Variants in MINDY2 observed in about 807,000 individuals in gnomAD.
The protein encoded by MINDY2 is ubiquitin carboxyl-terminal hydrolase MINDY-2.
In MINDY2, 52 loss-of-function variants were observed where a neutral mutation model predicts 68.2. That is an observed-to-expected ratio of 0.76 (90% CI 0.61 to 0.96). The LOEUF (loss-of-function observed/expected upper bound fraction) is 0.96, where lower values mean the gene tolerates loss of function less well. MINDY2 is among the 40% of genes least tolerant of loss of function. The pLI is 0.00. For missense variants in MINDY2, 881 were observed against 773.4 expected, an observed-to-expected ratio of 1.14 and a Z score of -1.65; for synonymous variants, 372 against 303.0, an observed-to-expected ratio of 1.23 and a Z score of -2.36.
intron 2 of MINDY2, among the ~76,000 whole-genome samples, chr15:58,792,450 A>C (rs187009744): frequency 2.0e-5 from 3 of 152,202 alleles, no homozygotes; most frequent in African/African-American, 7.2e-5. Flanking sequence ...TACTAAGAAC[A>C]TAAAAATTAG....
intron 6 of MINDY2, among the ~76,000 whole-genome samples, chr15:58,832,781 C>T (rs1011739883): frequency 6.6e-6 from 1 of 152,198 alleles, no homozygotes; most frequent in Admixed American, 6.5e-5. Context: ...CCGCCTCAGC[C>T]TCCCAAAGTG....
intron 7 of MINDY2, among the ~76,000 whole-genome samples, chr15:58,849,979 T>G (rs1206431067): frequency 1.3e-5 from 2 of 152,132 alleles, no homozygotes; most frequent in Non-Finnish European, 2.9e-5. Flanking sequence ...TCAAGTGATG[T>G]GCCCGCCTTG....
rs762666328 is a variant in MINDY2, at chr15:58,771,922, T to C, written c.527T>C (p.Leu176Pro). Residue 176 changes from leucine (L) to proline (P), a missense_variant, in exon 1 of 9, where the codon CTG becomes CCG. Leu to Pro is a moderately conservative substitution (Grantham distance 98). Transcript: ENST00000559228. ...PPGESPSLDS[L>P]ESFSNLHSFP... ...GGGGAATCTCCGAGCCTGGACTCTC[T>C]GGAGTCGTTCTCTAACCTGCATTCT... 39 of 1,555,774 alleles carry C rather than the reference T, an allele frequency of 2.5e-5. No individual in the cohort carries two copies. The Admixed American group carries it at 7.5e-4, about 30-fold the overall frequency.
At chr15:58,811,879 C>G (rs2030301356) in intron 4 of MINDY2, among the ~76,000 whole-genome samples, 1 of 152,196 alleles carries the variant, frequency 6.6e-6, no homozygotes, top group Non-Finnish European at 1.5e-5. Flanking sequence ...AGAGTCTTCT[C>G]TTTTCCACTG....
At chr15:58,840,882 A>T (rs1190199620) in intron 6 of MINDY2, among the ~76,000 whole-genome samples, 6 of 140,034 alleles carry the variant, frequency 4.3e-5, no homozygotes, top group African/African-American at 1.6e-4. Flanking sequence ...GTTAGCCAGG[A>T]TGGTCTCGAT....
At chr15:58,844,820 C>T (rs1289863058) in intron 6 of MINDY2, among the ~76,000 whole-genome samples, 1 of 146,508 alleles carries the variant, frequency 6.8e-6, no homozygotes, top group East Asian at 2.1e-4. Flanking sequence ...GGGGCTGAGG[C>T]AGGACAGTCG....
chr15:58,840,301 T>G (rs1291927129), intron 6 of MINDY2, among the ~76,000 whole-genome samples: 4 of 152,222 alleles, frequency 2.6e-5, no homozygotes, highest in African/African-American at 9.6e-5. Context: ...ACCACAGATA[T>G]TAATTGACTT....
At chr15:58,811,490 A>T (rs551655744) in intron 4 of MINDY2, among the ~76,000 whole-genome samples, 2 of 152,324 alleles carry the variant, frequency 1.3e-5, no homozygotes, top group East Asian at 1.9e-4. Context: ...AGCATCTTAG[A>T]CCTAGCAACA....
rs139271721 is a variant in MINDY2, at chr15:58,821,267, A to G, written c.1123-450A>G. Among the ~76,000 whole-genome samples, 155 of 151,790 alleles carry G rather than the reference A, an allele frequency of 1.0e-3. 1 individual carries two copies. Among genetic ancestry groups the G allele is most frequent in the African/African-American group, 3.6e-3 (151 of 41,520 alleles). On this transcript the variant is annotated intron_variant, in intron 4 of 8. Transcript: ENST00000559228. ...GTAATAAAATGGAATAATTTTATTA[A>G]TCCTATAAATTAACATATTTAAAGT...
In MINDY2 at chr15:58,828,603, C is replaced by T. The variant is rs191769116; in HGVS notation, c.1226-3171C>T. Among the ~76,000 whole-genome samples the T allele has an allele frequency of 2.1e-3, 299 of 144,836 alleles. 3 individuals are homozygous for T. The highest frequency in any genetic ancestry group is 7.2e-3 in the African/African-American group (279 of 38,872). On this transcript the variant is annotated intron_variant, in intron 5 of 8. Transcript: ENST00000559228. ...TTTTTTTTTTTTTTTTTTTTGTCAC[C>T]CAGGCTGGAGTGCAGTGGTGCGATC...
chr15:58,810,088 A>T, intron 3 of MINDY2, 142 bp from the exon 4 acceptor site: 2 of 729,072 alleles, frequency 2.7e-6, no homozygotes, highest in South Asian at 1.9e-5. Context: ...GACACATAGT[A>T]GATACTCAAT....
rs1320255584 is a variant in MINDY2 at position 58,857,267 on chromosome 15, A to G, written c.*2657A>G. 6.6e-6 allele frequency: 1 copy of G among 152,186 alleles called. No individual in the cohort carries two copies. Among genetic ancestry groups the G allele is most frequent in the African/African-American group, 2.4e-5 (1 of 41,458 alleles). The allele number at this position is 152,186 out of a possible 1,614,324, so 9.4% of individuals were successfully genotyped here. A position where few individuals can be genotyped will look rare whatever the true frequency, so the allele number is the denominator to read the frequency against. On this transcript the variant is annotated 3_prime_UTR_variant, in exon 9 of 9. Transcript: ENST00000559228. ...CCCTTGAAGGGTATAAAGAATTTAG[A>G]TCATGCCTGTAATCCCAGTACTTTG...
At chr15:58,797,774 T>G (rs1223056105) in intron 2 of MINDY2, among the ~76,000 whole-genome samples, 1 of 152,126 alleles carries the variant, frequency 6.6e-6, no homozygotes, top group African/African-American at 2.4e-5. Flanking sequence ...GCATACCTTC[T>G]GAGACAAAAT....
intron 6 of MINDY2, among the ~76,000 whole-genome samples, 195 bp downstream of exon 6, chr15:58,832,111 T>G (rs2031757136): frequency 6.6e-6 from 1 of 152,176 alleles, no homozygotes; most frequent in African/African-American, 2.4e-5. Flanking sequence ...CTCAAATCAC[T>G]TTTTGTTTTT....
At chr15:58,796,797 A>G (rs1902314336) in intron 2 of MINDY2, among the ~76,000 whole-genome samples, 1 of 152,232 alleles carries the variant, frequency 6.6e-6, no homozygotes, top group South Asian at 2.1e-4. Context: ...TGCTGGGATT[A>G]TAGGCATTAG....
Position 58,857,593 on chromosome 15 carries a change from C to G in MINDY2, c.*2983C>G, listed in dbSNP as rs1176350036. 2.7e-5 allele frequency: 4 copies of G among 150,108 alleles called. No individual in the cohort carries two copies. The highest frequency in any genetic ancestry group is 9.8e-5 in the African/African-American group (4 of 40,868). 9.3% of individuals were successfully genotyped at this position (150,108 alleles called of 1,614,324 possible). Reference sequence around the variant, plus strand: ...TGTCTTTATTTTCTTAAATTTTGCCCAAGGTAACGTTATATATCCCACCAC... The same window carrying G: ...TGTCTTTATTTTCTTAAATTTTGCCGAAGGTAACGTTATATATCCCACCAC... On this transcript the variant is annotated 3_prime_UTR_variant, in exon 9 of 9. Transcript: ENST00000559228.
In MINDY2 at chr15:58,791,222, T is replaced by TATATATATATATATATAC. The variant is rs1415440911; in HGVS notation, c.898+3276_898+3277insCATATATATATATATATA. Reference sequence around the variant, plus strand: ...GCCATCAGGAAAGCAATTTTATATATATATATATATATATATATATATATA... The same window carrying TATATATATATATATATAC: ...GCCATCAGGAAAGCAATTTTATATATATATATATATATATATACATATATATATATATATATATATATA... On this transcript the variant is annotated intron_variant, in intron 2 of 8. Transcript: ENST00000559228. 3.2e-3 allele frequency among the ~76,000 whole-genome samples: 61 copies of TATATATATATATATATAC among 18,972 alleles called. 1 individual carries two copies. The highest frequency in any genetic ancestry group is 7.8e-3 in the South Asian group (3 of 386). The allele number at this position is 18,972 out of a possible 152,430, so 12.4% of individuals were successfully genotyped here.
intron 1 of MINDY2, among the ~76,000 whole-genome samples, chr15:58,774,492 GAAAA>G (rs11385535): frequency 2.2e-5 from 2 of 92,852 alleles, no homozygotes; most frequent in South Asian, 3.2e-4. Flanking sequence ...CCCAAAAAAA[GAAAA>G]AAAAAAAAAA....
intron 6 of MINDY2, among the ~76,000 whole-genome samples, chr15:58,844,646 G>A (rs573788551): frequency 6.6e-5 from 10 of 151,536 alleles, no homozygotes; most frequent in Admixed American, 4.6e-4. Context: ...GGCCAGGCGC[G>A]GTGGCTCATA....
Sources: gnomAD v4.1 joint callset for allele counts (sites outside exome capture counted in the v4.1 genomes callset) on GRCh38, gnomAD v4.1.1 for gene constraint, MANE v1.5 for transcripts, NCBI Gene and HGNC (gene_info 2026-07-23, HGNC 2026-07-21) for gene names.